The following RBFOX1 variants were observed in gnomAD, a reference collection of about 807,000 sequenced individuals.
RBFOX1 encodes the protein RNA binding fox-1 homolog 1.
Under a neutral mutation model 57.7 loss-of-function variants are expected in RBFOX1, and 8 were observed. That is an observed-to-expected ratio of 0.14 (90% CI 0.08 to 0.25). RBFOX1 has a LOEUF of 0.25. Among genes scored for constraint, RBFOX1 ranks in the 10% least tolerant of loss-of-function variants. The pLI is 1.00. For synonymous variants in RBFOX1, 326 were observed against 222.4 expected (o/e 1.47, Z -4.15); for missense variants, 611 against 548.5 (o/e 1.11, Z -1.14).
At chr16:5,283,828 C>A (rs182540816) in intron 1 of RBFOX1, among the ~76,000 whole-genome samples, 30 of 152,096 alleles carry the variant, frequency 2.0e-4, no homozygotes, top group African/African-American at 6.3e-4. Flanking sequence ...GGACTGTGGA[C>A]CTCTCAGTTA....
At chr16:7,033,082 A>C (rs540562938) in intron 3 of RBFOX1, among the ~76,000 whole-genome samples, 1 of 152,030 alleles carries the variant, frequency 6.6e-6, no homozygotes, top group Non-Finnish European at 1.5e-5. Context: ...AGGAATGCCA[A>C]CTCTCTCCTC....
At chr16:6,147,705 C>T (rs1271240842) in intron 1 of RBFOX1, among the ~76,000 whole-genome samples, 16 of 152,292 alleles carry the variant, frequency 1.1e-4, no homozygotes, top group African/African-American at 1.2e-4. Context: ...GAACATGTTA[C>T]GTTCAACTCA....
At chr16:7,464,688 C>CTTTTTTTTT (rs57553411) in intron 4 of RBFOX1, among the ~76,000 whole-genome samples, 17 of 62,270 alleles carry the variant, frequency 2.7e-4, no homozygotes, top group African/African-American at 1.2e-3. Flanking sequence ...TATTGTCTGT[C>CTTTTTTTTT]TTTTTTTTTT....
intron 2 of RBFOX1, among the ~76,000 whole-genome samples, chr16:5,569,467 T>TTTTTTTTTTTTTTTTTTTTTTTG (rs1567240836): frequency 1.2e-5 from 1 of 83,428 alleles, no homozygotes; most frequent in Non-Finnish European, 2.4e-5. Flanking sequence ...TTTTTTTTTT[T>TTTTTTTTTTTTTTTTTTTTTTTG]CTTCTTCTTT....
intron 4 of RBFOX1, among the ~76,000 whole-genome samples, chr16:7,327,893 G>A (rs939430765): frequency 3.3e-5 from 5 of 151,892 alleles, no homozygotes; most frequent in African/African-American, 4.8e-5. Flanking sequence ...TGGTCCCCAC[G>A]GCTGCAGGTT....
intron 3 of RBFOX1, among the ~76,000 whole-genome samples, chr16:5,628,773 G>T (rs999992574): frequency 6.6e-6 from 1 of 152,162 alleles, no homozygotes; most frequent in Admixed American, 6.5e-5. Context: ...ATATCCCCAA[G>T]AAATATCAAA....
chr16:6,689,608 G>C (rs1019408104), intron 3 of RBFOX1, among the ~76,000 whole-genome samples: 1 of 152,056 alleles, frequency 6.6e-6, no homozygotes, highest in Non-Finnish European at 1.5e-5. Context: ...CAATATCAAA[G>C]GGTTTCTGTA....
At chr16:5,850,891 C>T (rs1001911616) in intron 3 of RBFOX1, among the ~76,000 whole-genome samples, 23 of 152,198 alleles carry the variant, frequency 1.5e-4, no homozygotes, top group African/African-American at 5.5e-4. Context: ...TGAAGGATGG[C>T]TTTTTAAAGG....
At chr16:6,291,207 C>G (rs1420053941) in intron 1 of RBFOX1, among the ~76,000 whole-genome samples, 1 of 152,112 alleles carries the variant, frequency 6.6e-6, no homozygotes, top group Non-Finnish European at 1.5e-5. Context: ...GTATTTTGTG[C>G]CAACCTCTTA....
intron 4 of RBFOX1, among the ~76,000 whole-genome samples, chr16:5,955,366 TA>T (rs1233503743): frequency 1.4e-3 from 54 of 39,322 alleles, no homozygotes; most frequent in African/African-American, 9.7e-3. Context: ...AAAAATAAAA[TA>T]AAATAAAATA....
At chr16:7,582,091 A>C (rs2093816320) in intron 6 of RBFOX1, among the ~76,000 whole-genome samples, 1 of 149,266 alleles carries the variant, frequency 6.7e-6, no homozygotes, top group Non-Finnish European at 1.5e-5. Context: ...GTGAAGTGGC[A>C]TGATCTCGGC....
chr16:6,478,429 ATTTTTTTTTTTTTT>A (rs58352204), intron 2 of RBFOX1, among the ~76,000 whole-genome samples: 29 of 24,622 alleles, frequency 1.2e-3, no homozygotes, highest in African/African-American at 3.4e-3. Context: ...ATATATATAT[ATTTTTTTTTTTTTT>A]TTTTGTATTT....
In RBFOX1 at chr16:5,709,968, C is replaced by T. The variant is rs545112968; in HGVS notation, c.318+111007C>T. Among the ~76,000 whole-genome samples the T allele has an allele frequency of 2.2e-3, 317 of 146,012 alleles. 1 individual carries two copies. Among genetic ancestry groups the T allele is most frequent in the African/African-American group, 7.7e-3 (301 of 38,882 alleles). ...GCACCTGAGAGATGAGGATATCTAT[C>T]CCAAAGGTGTTGGGTCTCTAACTCA... On this transcript the variant is annotated intron_variant, in intron 3 of 19. Coordinates refer to the RBFOX1 transcript ENST00000641259.
chr16:7,246,927 T>C (rs193213350), intron 4 of RBFOX1, among the ~76,000 whole-genome samples: 1 of 152,212 alleles, frequency 6.6e-6, no homozygotes, highest in Admixed American at 6.5e-5. Context: ...AATTTTCCCA[T>C]TTTACGACAG....
chr16:5,652,313 C>T (rs2049268085), intron 3 of RBFOX1, among the ~76,000 whole-genome samples: 1 of 152,126 alleles, frequency 6.6e-6, no homozygotes, highest in Non-Finnish European at 1.5e-5. Context: ...GATGGGAAAG[C>T]TGAAGCTCAC....
intron 4 of RBFOX1, among the ~76,000 whole-genome samples, chr16:7,341,870 C>T (rs1469222510): frequency 1.3e-5 from 2 of 151,290 alleles, no homozygotes; most frequent in African/African-American, 2.4e-5. Flanking sequence ...CTGCCCCCGG[C>T]CCCCTTCCCA....
At chr16:5,541,028 C>T (rs1597453372) in intron 2 of RBFOX1, among the ~76,000 whole-genome samples, 1 of 151,824 alleles carries the variant, frequency 6.6e-6, no homozygotes, top group African/African-American at 2.4e-5. Flanking sequence ...TTTTGTATTT[C>T]TAGTAGAGAT....
In RBFOX1 at chr16:7,261,923, G is replaced by C. The variant is rs539889382; in HGVS notation, c.27+209825G>C. On this transcript the variant is annotated intron_variant, in intron 4 of 15. Transcript: ENST00000550418. ...AAGCCCTCCAAGTGATTCTAATTTA[G>C]AGCCTTTGCAAGTCACTAGTTAAGG... Among the ~76,000 whole-genome samples, 3 of 152,278 alleles carry C rather than the reference G, an allele frequency of 2.0e-5. No homozygotes were observed. The South Asian group carries it at 6.2e-4, about 32-fold the overall frequency.
intron 1 of RBFOX1, among the ~76,000 whole-genome samples, chr16:6,149,592 AG>A (rs1488999535): frequency 6.6e-6 from 1 of 152,202 alleles, no homozygotes; most frequent in African/African-American, 2.4e-5. Flanking sequence ...CCCTTAGATG[AG>A]GCAGATGCTA....
Sources: gnomAD v4.1 joint callset for allele counts (sites outside exome capture counted in the v4.1 genomes callset) on GRCh38, gnomAD v4.1.1 for gene constraint, MANE v1.5 for transcripts, NCBI Gene and HGNC (gene_info 2026-07-23, HGNC 2026-07-21) for gene names.